The following SRBD1 variants were observed in gnomAD, a reference collection of about 807,000 sequenced individuals.
SRBD1 encodes S1 RNA binding domain 1, also known as S1 RNA-binding domain-containing protein 1.
Under a neutral mutation model 115.3 loss-of-function variants are expected in SRBD1, and 88 were observed. The observed-to-expected ratio is 0.76, with a 90% CI of 0.64 to 0.91. The LOEUF (loss-of-function observed/expected upper bound fraction) is 0.91. Ranked by LOEUF, SRBD1 falls within the 40% of genes least tolerant of loss-of-function variation. The pLI, the probability that SRBD1 is intolerant of heterozygous loss-of-function variation, is 0.00. For missense variants in SRBD1, 1,385 were observed against 1,177.4 expected, an observed-to-expected ratio of 1.18 and a Z score of -2.58; for synonymous variants, 509 against 407.7, an observed-to-expected ratio of 1.25 and a Z score of -2.99.
chr2:45,578,379 C>T (rs1329521015), intron 7 of SRBD1, among the ~76,000 whole-genome samples: 1 of 152,114 alleles, frequency 6.6e-6, no homozygotes, highest in Non-Finnish European at 1.5e-5. Flanking sequence ...ATTAAACAAA[C>T]TTGAATTTTA....
rs761654286 is a variant in SRBD1 at position 45,546,807 on chromosome 2, G to T, written c.1799C>A (p.Ala600Asp). The T allele has an allele frequency of 6.2e-7, 1 of 1,614,074 alleles. No individual in the cohort carries two copies. The highest frequency in any genetic ancestry group is 2.2e-5 in the East Asian group (1 of 44,874). Residue 600 changes from alanine (A) to aspartate (D), a missense_variant, in exon 14 of 21, where the codon GCC becomes GAC. Coordinates refer to ENST00000263736, the MANE Select transcript of SRBD1 (RefSeq NM_018079.5). The part of the protein sequence containing the change: ...CSTVVIGNGT[A>D]CRETEAYFAD... ...AAAGTAAGCTTCTGTTTCCCTGCAG[G>T]CAGTTCCATTTCCAATCACTACTGT...
intron 14 of SRBD1, chr2:45,546,261 C>T: frequency 1.0e-6 from 1 of 985,156 alleles, no homozygotes. Context: ...AAGTTTGTGA[C>T]CAAGGGATAA....
At chr2:45,597,786 G>C (rs1673950103) in intron 4 of SRBD1, among the ~76,000 whole-genome samples, 1 of 152,106 alleles carries the variant, frequency 6.6e-6, no homozygotes, top group Non-Finnish European at 1.5e-5. Flanking sequence ...TTATATACTT[G>C]TAACCTAGAG....
intron 16 of SRBD1, among the ~76,000 whole-genome samples, chr2:45,466,802 A>G (rs527989532): frequency 6.6e-6 from 1 of 152,272 alleles, no homozygotes; most frequent in South Asian, 2.1e-4. Context: ...TGTGCATTCA[A>G]AACACCTAGA....
At chr2:45,415,305 T>C (rs866138712) in intron 18 of SRBD1, among the ~76,000 whole-genome samples, 3 of 5,170 alleles carry the variant, frequency 5.8e-4, no homozygotes, top group African/African-American at 1.9e-3. Context: ...ATAGTATGTA[T>C]ATACACACAT....
At chr2:45,470,945 T>A (rs1669630214) in intron 16 of SRBD1, among the ~76,000 whole-genome samples, 1 of 152,230 alleles carries the variant, frequency 6.6e-6, no homozygotes, top group Non-Finnish European at 1.5e-5. Flanking sequence ...TAGTTTCTAT[T>A]GAAATAATAT....
chr2:45,573,900 C>T (rs1673096014), intron 8 of SRBD1, among the ~76,000 whole-genome samples: 1 of 152,190 alleles, frequency 6.6e-6, no homozygotes, highest in Non-Finnish European at 1.5e-5. Context: ...TCAACTAGGT[C>T]ATCTCCTCCT....
intron 18 of SRBD1, among the ~76,000 whole-genome samples, chr2:45,414,579 TATAGTGTGTGTGTACAC>T (rs1250974805): frequency 6.8e-6 from 1 of 146,626 alleles, no homozygotes; most frequent in East Asian, 2.0e-4. Context: ...ATAGTGTGTA[TATAGTGTGTGTGTACAC>T]ATAGTGTGTA....
At position 45,608,234 on chromosome 2, in the gene SRBD1, A is replaced by G. The variant is rs1290562259; in HGVS notation, c.1-2793T>C. ...CTGCCTCTTTATAAGGCACCCCGAA[A>G]GCAATATACCATGGAAAGATGAGTG... On this transcript the variant is annotated intron_variant, in intron 1 of 20. Coordinates refer to ENST00000263736, the MANE Select transcript of SRBD1 (RefSeq NM_018079.5). 2.0e-5 allele frequency among the ~76,000 whole-genome samples: 3 copies of G among 152,230 alleles called. No homozygotes were observed. In the East Asian group the frequency reaches 5.8e-4, roughly 29 times the overall value.
At chr2:45,593,336 T>C (rs1358397019) in intron 4 of SRBD1, among the ~76,000 whole-genome samples, 1 of 152,178 alleles carries the variant, frequency 6.6e-6, no homozygotes, top group Non-Finnish European at 1.5e-5. Flanking sequence ...AAAAATTCAA[T>C]TTATATGCCA....
chr2:45,429,617 ATAAAC>A (rs1168684754), intron 16 of SRBD1, among the ~76,000 whole-genome samples: 1 of 152,216 alleles, frequency 6.6e-6, no homozygotes, highest in Non-Finnish European at 1.5e-5. Flanking sequence ...AAAACTCTTA[ATAAAC>A]TAGGTATTTA....
At chr2:45,431,373 A>C (rs1269402421) in intron 16 of SRBD1, among the ~76,000 whole-genome samples, 1 of 152,200 alleles carries the variant, frequency 6.6e-6, no homozygotes. Flanking sequence ...AATAGCAAAG[A>C]CTTGGAACCA....
At chr2:45,561,617 T>C (rs770541332) in intron 10 of SRBD1, among the ~76,000 whole-genome samples, 1 of 152,210 alleles carries the variant, frequency 6.6e-6, no homozygotes, top group Non-Finnish European at 1.5e-5. Flanking sequence ...AGGAAGCCAC[T>C]TTACTTACCT....
intron 4 of SRBD1, among the ~76,000 whole-genome samples, chr2:45,587,682 G>C (rs1433856890): frequency 6.6e-6 from 1 of 151,976 alleles, no homozygotes; most frequent in South Asian, 2.1e-4. Context: ...TCTCATTCTC[G>C]GGGCACATTA....
intron 7 of SRBD1, among the ~76,000 whole-genome samples, chr2:45,576,555 A>T (rs1274878793): frequency 6.6e-6 from 1 of 152,206 alleles, no homozygotes; most frequent in Admixed American, 6.5e-5. Context: ...ATTTTAAGAA[A>T]ACTTTCCTAT....
chr2:45,395,169 T>G (rs944280247), intron 19 of SRBD1, among the ~76,000 whole-genome samples: 1 of 152,242 alleles, frequency 6.6e-6, no homozygotes, highest in Non-Finnish European at 1.5e-5. Flanking sequence ...GGTCTGCAAC[T>G]GGCTACTTAG....
chr2:45,541,600 C>A (rs1671940718), intron 14 of SRBD1, among the ~76,000 whole-genome samples: 1 of 152,236 alleles, frequency 6.6e-6, no homozygotes, highest in Non-Finnish European at 1.5e-5. Context: ...GGCAGGTTGT[C>A]CCAATGAGTG....
intron 14 of SRBD1, among the ~76,000 whole-genome samples, chr2:45,538,722 T>C (rs1671842061): frequency 6.6e-6 from 1 of 152,232 alleles, no homozygotes; most frequent in South Asian, 2.1e-4. Context: ...CCTTACTGAG[T>C]CTATCTCATT....
At chr2:45,568,670 G>A (rs1428622068) in intron 9 of SRBD1, among the ~76,000 whole-genome samples, 1 of 152,076 alleles carries the variant, frequency 6.6e-6, no homozygotes, top group African/African-American at 2.4e-5. Flanking sequence ...AAAATGCAGA[G>A]CCCAATAAAA....
Sources: gnomAD v4.1 joint callset for allele counts (sites outside exome capture counted in the v4.1 genomes callset) on GRCh38, gnomAD v4.1.1 for gene constraint, MANE v1.5 for transcripts, NCBI Gene and HGNC (gene_info 2026-07-23, HGNC 2026-07-21) for gene names.